KAT6A: variants seen among roughly 807,000 people sequenced by gnomAD.
KAT6A encodes lysine acetyltransferase 6A, also known as histone acetyltransferase KAT6A.
Under a neutral mutation model 198.4 loss-of-function variants are expected in KAT6A, and 9 were observed. The ratio of observed to expected loss-of-function variants is 0.05; its 90% CI spans 0.03 to 0.08. The LOEUF (loss-of-function observed/expected upper bound fraction) is 0.08. KAT6A is among the 10% of genes least tolerant of loss of function. The pLI is 1.00. For synonymous variants in KAT6A, 890 were observed against 883.0 expected, an observed-to-expected ratio of 1.01 and a Z score of -0.14; for missense variants, 2,077 against 2,509.9, an observed-to-expected ratio of 0.83 and a Z score of 3.69.
intron 2 of KAT6A, among the ~76,000 whole-genome samples, chr8:42,041,206 A>G (rs958109493): frequency 6.6e-6 from 1 of 151,880 alleles, no homozygotes. Context: ...AAAAAAAAAA[A>G]AAAAAAACTG....
At position 42,009,316 on chromosome 8, in the gene KAT6A, T is replaced by C. The variant is rs532891763; in HGVS notation, c.601-21753A>G. On this transcript the variant is annotated intron_variant, in intron 2 of 16. Coordinates refer to ENST00000265713, the MANE Select transcript of KAT6A (RefSeq NM_006766.5). The stretch of plus-strand genomic sequence containing the variant: ...TAAAAGGTAATGCTATTAGTTTATA[T>C]GAAAATAAAAATTTTAAATATTATC... Among the ~76,000 whole-genome samples, 16 of 152,108 alleles carry C rather than the reference T, an allele frequency of 1.1e-4. No homozygotes were observed. The East Asian group carries it at 3.1e-3, about 29-fold the overall frequency.
intron 5 of KAT6A, among the ~76,000 whole-genome samples, chr8:41,979,144 T>G (rs1824219027): frequency 6.6e-6 from 1 of 151,842 alleles, no homozygotes; most frequent in Admixed American, 6.6e-5. Context: ...GGTACGTGCC[T>G]GTAGTCCCAG....
At chr8:41,945,654 A>G (rs1035345946) in intron 12 of KAT6A, among the ~76,000 whole-genome samples, 1 of 152,196 alleles carries the variant, frequency 6.6e-6, no homozygotes, top group Non-Finnish European at 1.5e-5. Context: ...ACTGAGTTCC[A>G]TTGTAAATGA....
intron 2 of KAT6A, among the ~76,000 whole-genome samples, chr8:42,000,499 C>T (rs1454492962): frequency 6.7e-6 from 1 of 150,308 alleles, no homozygotes; most frequent in South Asian, 2.1e-4. Context: ...TGCAGTGAGC[C>T]GAGATCACAC....
chr8:42,044,361 A>G (rs1253497112), intron 2 of KAT6A, among the ~76,000 whole-genome samples: 2 of 152,008 alleles, frequency 1.3e-5, no homozygotes, highest in East Asian at 3.9e-4. Flanking sequence ...TCGGCATCCC[A>G]AAGTGCTGGG....
intron 2 of KAT6A, among the ~76,000 whole-genome samples, chr8:41,998,651 T>G (rs745548580): frequency 4.6e-5 from 7 of 152,142 alleles, no homozygotes; most frequent in Non-Finnish European, 8.8e-5. Context: ...AAACCATGCT[T>G]AGCTCCATTT....
intron 3 of KAT6A, among the ~76,000 whole-genome samples, chr8:41,986,910 C>T (rs1431037883): frequency 6.6e-6 from 1 of 152,068 alleles, no homozygotes; most frequent in East Asian, 1.9e-4. Flanking sequence ...TGGTGGCAGG[C>T]ACCTGTAATC....
intron 2 of KAT6A, among the ~76,000 whole-genome samples, chr8:42,003,435 AT>A: frequency 6.7e-6 from 1 of 148,996 alleles, no homozygotes; most frequent in East Asian, 1.9e-4. Flanking sequence ...GCTTCCAATA[AT>A]TCAAACCTCT....
rs1231549838 is a variant in KAT6A at position 41,934,301 on chromosome 8, C to T, written c.3919G>A (p.Glu1307Lys). 1 of 1,614,140 alleles carries T rather than the reference C, an allele frequency of 6.2e-7. No individual in the cohort carries two copies. The highest frequency in any genetic ancestry group is 1.1e-5 in the South Asian group (1 of 91,088). ...TCGTGGTCGTCATTCTGGGCAGTCT[C>T]TGCAGCTGCATCTTCCTCCTCCTCT... ...EPEEEEDAAAETAQNDDHDAD... is the reference protein window; with the variant it reads ...EPEEEEDAAAKTAQNDDHDAD... The change falls in exon 17 of 17, where the codon GAG (glutamate) becomes AAG (lysine). Residue 1307 changes from glutamate (E) to lysine (K), a missense_variant. Physicochemically the swap from Glu to Lys is moderately conservative, Grantham distance 56 (BLOSUM62 1). Coordinates refer to ENST00000265713, the MANE Select transcript of KAT6A (RefSeq NM_006766.5).
At chr8:42,018,265 G>T (rs1479227228) in intron 2 of KAT6A, among the ~76,000 whole-genome samples, 1 of 152,198 alleles carries the variant, frequency 6.6e-6, no homozygotes, top group Non-Finnish European at 1.5e-5. Context: ...GCCAGGCACG[G>T]TGGCTCACAC....
In KAT6A at chr8:41,988,914, T is replaced by C. The variant is rs117493933; in HGVS notation, c.601-1351A>G. Among the ~76,000 whole-genome samples the C allele has an allele frequency of 1.1e-4, 17 of 152,282 alleles. No homozygotes were observed. The East Asian group carries it at 1.7e-3, about 16-fold the overall frequency. ...AAAACCCTCAAGATGCATTCATTCA[T>C]TGGTTCATTGATTTGCTTGCTTCCC... On this transcript the variant is annotated intron_variant, in intron 2 of 16. Transcript: ENST00000265713.
rs184095424 is a variant in KAT6A, at chr8:41,934,801, G to A, written c.3419C>T (p.Pro1140Leu). ...CTTTTTCAAAGGTGTGGATGTATCT[G>A]GCTCAAGAGGAGAATTCTTCACATC... ...KRDVKNSPLE[P>L]DTSTPLKKKK... The change falls in exon 17 of 17, where the codon CCA becomes CTA. Residue 1140 changes from proline to leucine, a missense_variant. Transcript: ENST00000265713. The A allele has an allele frequency of 1.2e-6, 2 of 1,613,738 alleles. No individual in the cohort carries two copies. The highest frequency in any genetic ancestry group is 2.2e-5 in the South Asian group (2 of 91,068).
At chr8:41,942,331 G>C (rs1822180139) in intron 14 of KAT6A, 1 of 232,740 alleles carries the variant, frequency 4.3e-6, no homozygotes, top group Non-Finnish European at 8.5e-6. Flanking sequence ...TTTTTTTGTA[G>C]AGATGGGGTC....
intron 8 of KAT6A, among the ~76,000 whole-genome samples, chr8:41,973,430 G>A (rs1292892123): frequency 6.6e-6 from 1 of 152,076 alleles, no homozygotes; most frequent in Non-Finnish European, 1.5e-5. Context: ...ATGCTGGCCA[G>A]GCTGGTCTCG....
intron 2 of KAT6A, among the ~76,000 whole-genome samples, chr8:41,993,537 TACCAA>T (rs1294919648): frequency 1.3e-5 from 2 of 152,240 alleles, no homozygotes; most frequent in African/African-American, 4.8e-5. Context: ...ACTTTTCAGC[TACCAA>T]ACCAAAGTGA....
Position 42,010,157 on chromosome 8 carries a change from T to A in KAT6A, c.601-22594A>T, listed in dbSNP as rs142290678. Reference sequence around the variant, plus strand: ...CTGTCTCTACTAAAAATACAAAAATTAGCTTGGTGTGGTCGCGCACGCATG... The same window carrying A: ...CTGTCTCTACTAAAAATACAAAAATAAGCTTGGTGTGGTCGCGCACGCATG... On this transcript the variant is annotated intron_variant, in intron 2 of 16. Coordinates refer to ENST00000265713, the MANE Select transcript of KAT6A (RefSeq NM_006766.5). 2.5e-3 allele frequency among the ~76,000 whole-genome samples: 379 copies of A among 151,972 alleles called. 2 individuals are homozygous for A. The highest frequency in any genetic ancestry group is 8.9e-3 in the African/African-American group (370 of 41,456).
chr8:42,033,726 C>T (rs1443707281), intron 2 of KAT6A, among the ~76,000 whole-genome samples: 1 of 152,128 alleles, frequency 6.6e-6, no homozygotes, highest in African/African-American at 2.4e-5. Context: ...ATTACAGAGA[C>T]GATGTCTGCT....
chr8:41,946,557 GA>G, intron 12 of KAT6A, 33 bp downstream of exon 12: 1 of 1,084,382 alleles, frequency 9.2e-7, no homozygotes, highest in Non-Finnish European at 1.4e-6. Context: ...AGGTCCACTG[GA>G]AAAGACCAAT....
chr8:41,964,088 T>C (rs1823340246), intron 8 of KAT6A, among the ~76,000 whole-genome samples: 1 of 152,186 alleles, frequency 6.6e-6, no homozygotes, highest in African/African-American at 2.4e-5. Context: ...CTCACTGCAA[T>C]TTATGCATAT....
Sources: gnomAD v4.1 joint callset for allele counts (sites outside exome capture counted in the v4.1 genomes callset) on GRCh38, gnomAD v4.1.1 for gene constraint, MANE v1.5 for transcripts, NCBI Gene and HGNC (gene_info 2026-07-23, HGNC 2026-07-21) for gene names.